Variants in PTPRK observed in about 807,000 individuals in gnomAD.
PTPRK encodes protein tyrosine phosphatase receptor type K.
PTPRK carries 75 observed loss-of-function variants against 178.0 expected under a neutral mutation model. That is an observed-to-expected ratio of 0.42 (90% CI 0.35 to 0.51). PTPRK has a LOEUF of 0.51. Among genes scored for constraint, PTPRK ranks in the 20% least tolerant of loss-of-function variants. The pLI, the probability that PTPRK is intolerant of heterozygous loss-of-function variation, is 0.02. For synonymous variants in PTPRK, 637 were observed against 620.6 expected (o/e 1.03, Z -0.39); for missense variants, 1,441 against 1,797.8 (o/e 0.80, Z 3.59).
chr6:128,436,158 G>C (rs1845574449), intron 1 of PTPRK, among the ~76,000 whole-genome samples: 1 of 151,986 alleles, frequency 6.6e-6, no homozygotes. Context: ...CCAAAGCACT[G>C]TTTTAAAATC....
intron 7 of PTPRK, among the ~76,000 whole-genome samples, chr6:128,097,095 A>T (rs896462759): frequency 6.6e-6 from 1 of 152,170 alleles, no homozygotes; most frequent in Non-Finnish European, 1.5e-5. Context: ...CCATGGGTCA[A>T]ATTGAGTTAA....
intron 1 of PTPRK, among the ~76,000 whole-genome samples, chr6:128,504,541 C>G (rs933108253): frequency 1.3e-5 from 2 of 152,286 alleles, no homozygotes; most frequent in Admixed American, 6.5e-5. Context: ...GTAAAAACAA[C>G]AGCCCTCAGA....
intron 1 of PTPRK, among the ~76,000 whole-genome samples, chr6:128,437,757 T>C (rs1389289839): frequency 6.6e-6 from 1 of 152,066 alleles, no homozygotes; most frequent in African/African-American, 2.4e-5. Context: ...AATAGCAGTA[T>C]AGGCAGGGCT....
At chr6:128,486,544 C>T (rs929817833) in intron 1 of PTPRK, among the ~76,000 whole-genome samples, 4 of 152,206 alleles carry the variant, frequency 2.6e-5, no homozygotes, top group Middle Eastern at 3.4e-3. Context: ...TGGTTCATGC[C>T]TGTAATCCCA....
chr6:128,048,962 A>G (rs1778543980), intron 13 of PTPRK, among the ~76,000 whole-genome samples: 1 of 152,174 alleles, frequency 6.6e-6, no homozygotes, highest in African/African-American at 2.4e-5. Flanking sequence ...GGCCTACAAC[A>G]CTGTCTGGTA....
At chr6:128,158,651 G>C (rs979596585) in intron 7 of PTPRK, among the ~76,000 whole-genome samples, 1 of 151,748 alleles carries the variant, frequency 6.6e-6, no homozygotes, top group Non-Finnish European at 1.5e-5. Flanking sequence ...TAAACTTCTG[G>C]TTTCTGTTTC....
intron 13 of PTPRK, among the ~76,000 whole-genome samples, chr6:128,040,454 T>C (rs1776982489): frequency 6.6e-6 from 1 of 151,786 alleles, no homozygotes; most frequent in African/African-American, 2.4e-5. Context: ...AAGCAGGAGG[T>C]ATACAAGAAC....
intron 7 of PTPRK, among the ~76,000 whole-genome samples, chr6:128,153,292 A>T (rs906721356): frequency 4.2e-5 from 6 of 143,644 alleles, no homozygotes; most frequent in African/African-American, 1.5e-4. Flanking sequence ...AAGACTGATT[A>T]AAAAAAAAAA....
rs1352753634 is a variant in PTPRK at position 128,184,686 on chromosome 6, A to G, written c.908T>C (p.Val303Ala). Residue 303 changes from valine (V) to alanine (A), a missense_variant, in exon 7 of 30, where the codon GTT becomes GCT. By Grantham distance (64) the Val-to-Ala change is moderately conservative. Coordinates refer to ENST00000368226, the MANE Select transcript of PTPRK (RefSeq NM_002844.4). The part of the protein sequence containing the change: ...RPIAPPQLLG[V>A]GPTYLLIQLN... The stretch of plus-strand genomic sequence containing the variant: ...TTGGATCAGCAAATATGTAGGCCCA[A>G]CACCAAGAAGCTGAGGAGGAGCAAT... The G allele has an allele frequency of 6.2e-7, 1 of 1,614,020 alleles. No individual in the cohort carries two copies. Among genetic ancestry groups the G allele is most frequent in the South Asian group, 1.1e-5 (1 of 91,072 alleles).
intron 3 of PTPRK, among the ~76,000 whole-genome samples, chr6:128,316,775 T>C (rs1828055702): frequency 6.7e-6 from 1 of 148,308 alleles, no homozygotes; most frequent in Non-Finnish European, 1.5e-5. Context: ...TGGAGTGCAG[T>C]GGTGCGATCT....
At chr6:128,017,697 CTCTCTCTCTCTCTCCT>C (rs1289999912) in intron 13 of PTPRK, among the ~76,000 whole-genome samples, 2 of 145,776 alleles carry the variant, frequency 1.4e-5, no homozygotes, top group African/African-American at 5.0e-5. Flanking sequence ...CTCGCTCTCA[CTCTCTCTCTCTCTCCT>C]TCTCTCTCTC....
chr6:128,107,585 A>C (rs1789931738), intron 7 of PTPRK, among the ~76,000 whole-genome samples: 1 of 152,230 alleles, frequency 6.6e-6, no homozygotes, highest in African/African-American at 2.4e-5. Flanking sequence ...TATAATTTTA[A>C]GTAAAAGAAT....
In PTPRK at chr6:127,991,359, T is replaced by C. The variant is rs1161894838; in HGVS notation, c.2914A>G (p.Arg972Gly). 6.2e-7 allele frequency: 1 copy of C among 1,601,784 alleles called. No individual in the cohort carries two copies. Among genetic ancestry groups the C allele is most frequent in the Admixed American group, 1.7e-5 (1 of 58,338 alleles). The change falls in exon 20 of 30, where the codon AGG becomes GGG. Residue 972 changes from arginine to glycine, a missense_variant. This residue lies in a region of PTPRK where 945 missense variants were observed against 1,080.6 expected (regional missense o/e 0.87). Transcript: ENST00000368226. ...PVHETVYDFW[R>G]MIWQEQSACI... ...GCAGATTGTTCTTGCCAAATCATCC[T>C]CCAGAAATCATACACTGTTTCATGA...
intron 2 of PTPRK, among the ~76,000 whole-genome samples, chr6:128,350,505 T>C (rs1323966489): frequency 1.3e-5 from 2 of 152,184 alleles, no homozygotes; most frequent in African/African-American, 4.8e-5. Context: ...CGACCACTGA[T>C]AGAATCCAGT....
rs534657906 is a variant in PTPRK at position 128,275,768 on chromosome 6, G to A, written c.496-33166C>T. Reference sequence around the variant, plus strand: ...TTTCACTCATAAAATCAGAAGGCTGGACAAAATACTTTCTAAGGTCCCTTT... The same window carrying A: ...TTTCACTCATAAAATCAGAAGGCTGAACAAAATACTTTCTAAGGTCCCTTT... On this transcript the variant is annotated intron_variant, in intron 3 of 29. Coordinates refer to ENST00000368226, the MANE Select transcript of PTPRK (RefSeq NM_002844.4). Among the ~76,000 whole-genome samples the A allele has an allele frequency of 1.1e-4, 17 of 152,052 alleles. No homozygotes were observed. The East Asian group carries it at 2.1e-3, about 19-fold the overall frequency.
At chr6:128,400,167 G>A (rs979946263) in intron 1 of PTPRK, among the ~76,000 whole-genome samples, 5 of 151,986 alleles carry the variant, frequency 3.3e-5, no homozygotes, top group Admixed American at 2.0e-4. Context: ...TGTGTTATGC[G>A]GGATAATAAT....
intron 2 of PTPRK, among the ~76,000 whole-genome samples, chr6:128,368,982 CA>C (rs1355359051): frequency 1.3e-5 from 2 of 151,642 alleles, no homozygotes; most frequent in South Asian, 2.1e-4. Flanking sequence ...GCAATAACAA[CA>C]AAAAAATCAC....
chr6:127,985,944 A>T, intron 21 of PTPRK, 69 bp from the exon 22 acceptor site: 1 of 1,511,826 alleles, frequency 6.6e-7, no homozygotes, highest in Non-Finnish European at 9.1e-7. Context: ...ATTAAACACA[A>T]TTATGGGTAC....
At chr6:128,111,367 T>C (rs17055307) in intron 7 of PTPRK, among the ~76,000 whole-genome samples, 3,911 of 152,244 alleles carry the variant, frequency 0.026, 76 homozygotes, top group Middle Eastern at 0.092. Context: ...TAACTAAATA[T>C]CTGCTAGAGA....
Sources: allele counts gnomAD v4.1 joint callset (sites outside exome capture counted in the v4.1 genomes callset), GRCh38; gene constraint gnomAD v4.1.1; regional missense constraint gnomAD v4.1.1; transcripts MANE v1.5; gene names NCBI Gene and HGNC (gene_info 2026-07-23, HGNC 2026-07-21).